The following FAM168B variants were observed in gnomAD, a reference collection of about 807,000 sequenced individuals.
FAM168B encodes the protein family with sequence similarity 168 member B, also known as myelin-associated neurite-outgrowth inhibitor.
In FAM168B, 19 loss-of-function variants were observed where a neutral mutation model predicts 21.8. The ratio of observed to expected loss-of-function variants is 0.87; its 90% CI spans 0.61 to 1.28. The LOEUF is 1.28. Among genes scored for constraint, FAM168B ranks in the 50% most tolerant of loss-of-function variants. FAM168B has a pLI of 0.00. For synonymous variants in FAM168B, 126 were observed against 104.8 expected, an observed-to-expected ratio of 1.20 and a Z score of -1.24; for missense variants, 233 against 263.1, an observed-to-expected ratio of 0.89 and a Z score of 0.79.
chr2:131,049,436 G>C lies in FAM168B; in HGVS notation c.*3029C>G, dbSNP rs747932643. The stretch of plus-strand genomic sequence containing the variant: ...AGAACGTTCTTAACAGATGGCTCAC[G>C]AGAGACATAAAAGGTTCTGGAAGTG... On this transcript the variant is annotated 3_prime_UTR_variant, in exon 7 of 7. Transcript: ENST00000389915. The C allele has an allele frequency of 9.1e-6, 9 of 985,232 alleles. No individual in the cohort carries two copies. The African/African-American group carries it at 1.4e-4, about 15-fold the overall frequency. 61.0% of individuals were successfully genotyped at this position (985,232 alleles called of 1,614,324 possible).
At chr2:131,072,700 A>G (rs1199881173) in intron 2 of FAM168B, among the ~76,000 whole-genome samples, 2 of 151,682 alleles carry the variant, frequency 1.3e-5, no homozygotes, top group African/African-American at 4.9e-5. Flanking sequence ...CTCATGATCC[A>G]CCCACCTCAG....
At chr2:131,058,178 G>T (rs1256069642) in intron 3 of FAM168B, among the ~76,000 whole-genome samples, 1 of 152,158 alleles carries the variant, frequency 6.6e-6, no homozygotes, top group East Asian at 1.9e-4. Flanking sequence ...GAAAGAGAAT[G>T]ATTGGCCCCC....
At chr2:131,087,644 C>G (rs1482337555) in intron 1 of FAM168B, among the ~76,000 whole-genome samples, 1 of 150,058 alleles carries the variant, frequency 6.7e-6, no homozygotes, top group East Asian at 1.9e-4. Context: ...ATTGTGGAGA[C>G]ACAGCTTAGG....
At position 131,050,728 on chromosome 2, in the gene FAM168B, C is replaced by T. The variant is rs1691613305; in HGVS notation, c.*1737G>A. ...GGCTCAGTGGTCAGGTGTCCCCCCA[C>T]CAACCAACTGGGGCAGAATGCTAGT... is the stretch of plus-strand genomic sequence containing the variant. On this transcript the variant is annotated 3_prime_UTR_variant, in exon 7 of 7. Coordinates refer to ENST00000389915, the MANE Select transcript of FAM168B (RefSeq NM_001009993.4). 1 of 985,286 alleles carries T rather than the reference C, an allele frequency of 1.0e-6. No individual in the cohort carries two copies. The highest frequency in any genetic ancestry group is 4.7e-5 in the South Asian group (1 of 21,286). 61.0% of individuals were successfully genotyped at this position (985,286 alleles called of 1,614,324 possible).
intron 2 of FAM168B, among the ~76,000 whole-genome samples, chr2:131,077,715 T>A (rs1017706266): frequency 1.3e-5 from 2 of 152,134 alleles, no homozygotes; most frequent in African/African-American, 4.8e-5. Flanking sequence ...TGGGTTTTGG[T>A]GATCTTGAAG....
chr2:131,084,590 A>G (rs1296761143), intron 1 of FAM168B, among the ~76,000 whole-genome samples: 2 of 152,038 alleles, frequency 1.3e-5, no homozygotes, highest in Non-Finnish European at 2.9e-5. Context: ...AATCCATTCA[A>G]TGTTTTATCA....
chr2:131,065,596 C>T (rs369404830), intron 3 of FAM168B, among the ~76,000 whole-genome samples: 1 of 151,856 alleles, frequency 6.6e-6, no homozygotes, highest in Non-Finnish European at 1.5e-5. Flanking sequence ...TCAAGACCAG[C>T]CTGACACACA....
At chr2:131,090,784 A>G (rs1693979597) in intron 1 of FAM168B, among the ~76,000 whole-genome samples, 1 of 152,166 alleles carries the variant, frequency 6.6e-6, no homozygotes, top group Non-Finnish European at 1.5e-5. Context: ...GCTGGAGGGC[A>G]GTGGCACAAT....
rs1457250656 is a variant in FAM168B at position 131,048,705 on chromosome 2, A to G, written c.*3760T>C. 12 of 989,280 alleles carry G rather than the reference A, an allele frequency of 1.2e-5. No individual in the cohort carries two copies. The highest frequency in any genetic ancestry group is 1.4e-5 in the Non-Finnish European group (12 of 832,140). The allele number at this position is 989,280 out of a possible 1,614,324, so 61.3% of individuals were successfully genotyped here. ...TGCCCTTCAGAAAGCCAGAGGGAAC[A>G]CTCACAAATGCAGAGGTACTAGAGG... On this transcript the variant is annotated 3_prime_UTR_variant, in exon 7 of 7. Transcript: ENST00000389915.
chr2:131,073,582 G>C lies in FAM168B; in HGVS notation c.71-1644C>G, dbSNP rs1025570652. Among the ~76,000 whole-genome samples the C allele has an allele frequency of 2.1e-4, 32 of 152,144 alleles. 1 individual carries two copies. The highest frequency in any genetic ancestry group is 2.1e-3 in the Admixed American group (32 of 15,264). ...GACAAGTTCAGCCCCCTTTCTCTCT[G>C]ACGCACTCGCTGCCCTTCCACCATC... is the stretch of plus-strand genomic sequence containing the variant. On this transcript the variant is annotated intron_variant, in intron 2 of 6. Coordinates refer to ENST00000389915, the MANE Select transcript of FAM168B (RefSeq NM_001009993.4).
In FAM168B at chr2:131,049,443, A is replaced by C; in HGVS notation, c.*3022T>G. 3.0e-6 allele frequency: 3 copies of C among 985,444 alleles called. No individual in the cohort carries two copies. Among genetic ancestry groups the C allele is most frequent in the Non-Finnish European group, 3.6e-6 (3 of 829,942 alleles). 61.0% of individuals were successfully genotyped at this position (985,444 alleles called of 1,614,324 possible). A position where few individuals can be genotyped will look rare whatever the true frequency, so the allele number is the denominator to read the frequency against. The stretch of plus-strand genomic sequence containing the variant: ...TCTTAACAGATGGCTCACGAGAGAC[A>C]TAAAAGGTTCTGGAAGTGCCTTCAG... On this transcript the variant is annotated 3_prime_UTR_variant, in exon 7 of 7. Coordinates refer to ENST00000389915, the MANE Select transcript of FAM168B (RefSeq NM_001009993.4).
At chr2:131,055,986 G>C (rs1692002087) in intron 3 of FAM168B, among the ~76,000 whole-genome samples, 2 of 152,216 alleles carry the variant, frequency 1.3e-5, no homozygotes. Flanking sequence ...AAACTGTCTT[G>C]TCCTGCTGGA....
At chr2:131,089,993 C>A (rs1189808709) in intron 1 of FAM168B, among the ~76,000 whole-genome samples, 3 of 151,480 alleles carry the variant, frequency 2.0e-5, no homozygotes, top group Admixed American at 6.6e-5. Context: ...GATCATACCA[C>A]TGCACTCCAG....
Position 131,048,775 on chromosome 2 carries a change from C to T in FAM168B, c.*3690G>A. ...CTTCCCCCAGGCCAACCACACTCTG[C>T]TTTAGAGACCCTCTCAGAAAGCACC... On this transcript the variant is annotated 3_prime_UTR_variant, in exon 7 of 7. Coordinates refer to ENST00000389915, the MANE Select transcript of FAM168B (RefSeq NM_001009993.4). 1.0e-6 allele frequency: 1 copy of T among 986,660 alleles called. No individual in the cohort carries two copies. Among genetic ancestry groups the T allele is most frequent in the Non-Finnish European group, 1.2e-6 (1 of 830,506 alleles). The allele number at this position is 986,660 out of a possible 1,614,324, so 61.1% of individuals were successfully genotyped here.
Position 131,071,984 on chromosome 2 carries a change from G to A in FAM168B, c.71-46C>T, listed in dbSNP as rs187664008. ...ATCTCATGTCATCAACTGAAGTAGCGACAATCACTAGAGCTCCTGCAAAGC... is the reference window on the plus strand; with the variant it reads ...ATCTCATGTCATCAACTGAAGTAGCAACAATCACTAGAGCTCCTGCAAAGC... On this transcript the variant is annotated intron_variant, in intron 2 of 6. Transcript: ENST00000389915. 11,784 of 1,497,446 alleles carry A rather than the reference G, an allele frequency of 7.9e-3. 56 individuals are homozygous for A. The highest frequency in any genetic ancestry group is 8.7e-3 in the Non-Finnish European group (9,420 of 1,084,208). The allele number at this position is 1,497,446 out of a possible 1,614,324, so 92.8% of individuals were successfully genotyped here. A position where few individuals can be genotyped will look rare whatever the true frequency, so the allele number is the denominator to read the frequency against.
chr2:131,082,649 T>C lies in FAM168B; in HGVS notation c.-3A>G. 1 of 1,594,664 alleles carries C rather than the reference T, an allele frequency of 6.3e-7. No homozygotes were observed. The highest frequency in any genetic ancestry group is 8.5e-7 in the Non-Finnish European group (1 of 1,173,264). On this transcript the variant is annotated 5_prime_UTR_variant, in exon 2 of 7. Coordinates refer to ENST00000389915, the MANE Select transcript of FAM168B (RefSeq NM_001009993.4). ...CCAGGACTATAAACAGGATTCATGATTTCAAAAACTAAAAGAAAAAAAAGG... is the reference window on the plus strand; with the variant it reads ...CCAGGACTATAAACAGGATTCATGACTTCAAAAACTAAAAGAAAAAAAAGG...
In FAM168B at chr2:131,086,644, A is replaced by C. The variant is rs146840370; in HGVS notation, c.-11-3987T>G. On this transcript the variant is annotated intron_variant, in intron 1 of 6. Transcript: ENST00000389915. ...CTGTACTATCCAAATATGGTAAGTG[A>C]ATTTTTAGTTTAATTAACTTCAACA... Among the ~76,000 whole-genome samples the C allele has an allele frequency of 8.5e-5, 13 of 152,320 alleles. No homozygotes were observed. In the East Asian group the frequency reaches 2.3e-3, roughly 27 times the overall value.
intron 3 of FAM168B, among the ~76,000 whole-genome samples, chr2:131,062,139 G>C (rs1189973039): frequency 1.3e-5 from 2 of 152,160 alleles, no homozygotes; most frequent in Non-Finnish European, 2.9e-5. Flanking sequence ...TCAAACTGCA[G>C]AAAGAGCTCA....
rs531839926 is a variant in FAM168B at position 131,048,999 on chromosome 2, G to C, written c.*3466C>G. 2.0e-6 allele frequency: 2 copies of C among 985,540 alleles called. No homozygotes were observed. The highest frequency in any genetic ancestry group is 9.4e-5 in the South Asian group (2 of 21,286). 61.0% of individuals were successfully genotyped at this position (985,540 alleles called of 1,614,324 possible). Reference sequence around the variant, plus strand: ...GTTCTCAAATGTTTAAAAAGGACAGGTGAAGTCTGGGTCTCCTTTTTTAAA... The same window carrying C: ...GTTCTCAAATGTTTAAAAAGGACAGCTGAAGTCTGGGTCTCCTTTTTTAAA... On this transcript the variant is annotated 3_prime_UTR_variant, in exon 7 of 7. Coordinates refer to ENST00000389915, the MANE Select transcript of FAM168B (RefSeq NM_001009993.4).
Sources: gnomAD v4.1 joint callset for allele counts (sites outside exome capture counted in the v4.1 genomes callset) on GRCh38, gnomAD v4.1.1 for gene constraint, MANE v1.5 for transcripts, NCBI Gene and HGNC (gene_info 2026-07-23, HGNC 2026-07-21) for gene names.